C1orf185: variants seen among roughly 807,000 people sequenced by gnomAD.
C1orf185 encodes the protein uncharacterized protein C1orf185.
In C1orf185, 13 loss-of-function variants were observed where a neutral mutation model predicts 16.1. The ratio of observed to expected loss-of-function variants is 0.81; its 90% CI spans 0.53 to 1.28. The LOEUF is 1.28. C1orf185 is among the 50% of genes most tolerant of loss of function. The pLI is 0.00. For synonymous variants in C1orf185, 80 were observed against 76.9 expected (o/e 1.04, Z -0.21); for missense variants, 220 against 225.2 (o/e 0.98, Z 0.15).
intron 1 of C1orf185, among the ~76,000 whole-genome samples, chr1:51,106,444 G>A (rs1355758643): frequency 2.6e-5 from 4 of 151,492 alleles, no homozygotes; most frequent in East Asian, 1.9e-4. Flanking sequence ...AAAGGAAATC[G>A]GCCTTGGCAA....
chr1:51,150,528 T>A (rs1283542653), downstream of C1orf185, among the ~76,000 whole-genome samples: 2 of 152,136 alleles, frequency 1.3e-5, no homozygotes, highest in Non-Finnish European at 2.9e-5. Context: ...CTTAACACAT[T>A]TACTTGTTTA....
intron 4 of C1orf185, among the ~76,000 whole-genome samples, chr1:51,146,817 A>G (rs191104435): frequency 2.3e-3 from 350 of 152,276 alleles, no homozygotes; most frequent in Admixed American, 4.2e-3. Flanking sequence ...TTGTAAATTG[A>G]AAGTCTCTAC....
chr1:51,115,477 T>C (rs1047446261), intron 2 of C1orf185, among the ~76,000 whole-genome samples: 1 of 152,238 alleles, frequency 6.6e-6, no homozygotes, highest in Non-Finnish European at 1.5e-5. Context: ...GGTCATTTTG[T>C]TTTTAGCTCT....
At chr1:51,121,657 C>G (rs1202091631) in intron 3 of C1orf185, among the ~76,000 whole-genome samples, 2 of 152,054 alleles carry the variant, frequency 1.3e-5, no homozygotes, top group East Asian at 3.8e-4. Context: ...CTACTACAGG[C>G]AGACCTCTAT....
intron 1 of C1orf185, among the ~76,000 whole-genome samples, chr1:51,108,598 A>C (rs539673779): frequency 6.6e-6 from 1 of 152,162 alleles, no homozygotes. Context: ...CTCCCTTCCC[A>C]GTCTCTGGTA....
At chr1:51,120,360 G>A (rs57721818) in intron 3 of C1orf185, among the ~76,000 whole-genome samples, 37 of 152,152 alleles carry the variant, frequency 2.4e-4, no homozygotes, top group African/African-American at 8.4e-4. Context: ...ATAATGTTAG[G>A]CAAGTTACTT....
At chr1:51,144,700 G>C (rs1646387748) in intron 3 of C1orf185, among the ~76,000 whole-genome samples, 1 of 151,852 alleles carries the variant, frequency 6.6e-6, no homozygotes, top group African/African-American at 2.4e-5. Flanking sequence ...GTGACAGAAT[G>C]AGACCCTGTC....
At chr1:51,112,321 T>A (rs1646127304) in intron 1 of C1orf185, 143 bp from the exon 2 acceptor site, 1 of 601,234 alleles carries the variant, frequency 1.7e-6, no homozygotes, top group South Asian at 2.6e-5. Context: ...TAGAATTGCA[T>A]GGGACTAGAA....
chr1:51,116,396 C>G (rs1442558419), intron 2 of C1orf185, among the ~76,000 whole-genome samples: 8 of 151,472 alleles, frequency 5.3e-5, no homozygotes, highest in African/African-American at 9.7e-5. Context: ...TCGCTGCAAC[C>G]TCCGCCTCCC....
At chr1:51,146,346 C>A in intron 4 of C1orf185, among the ~76,000 whole-genome samples, 1 of 151,280 alleles carries the variant, frequency 6.6e-6, no homozygotes, top group Non-Finnish European at 1.5e-5. Flanking sequence ...GTAATCCCAG[C>A]TACTTGGGAG....
chr1:51,116,821 A>G (rs1557645065), intron 2 of C1orf185, among the ~76,000 whole-genome samples: 1 of 140,678 alleles, frequency 7.1e-6, no homozygotes, highest in Non-Finnish European at 1.5e-5. Context: ...CTCTCTGTCT[A>G]GATATACTTA....
chr1:51,116,298 G>A (rs1032099697), intron 2 of C1orf185, among the ~76,000 whole-genome samples: 1 of 149,434 alleles, frequency 6.7e-6, no homozygotes, highest in Admixed American at 6.7e-5. Context: ...GGGCAAATCT[G>A]ATCAAGTCAC....
downstream of C1orf185, among the ~76,000 whole-genome samples, chr1:51,150,482 C>A (rs932247260): frequency 7.9e-5 from 12 of 152,112 alleles, no homozygotes; most frequent in African/African-American, 2.9e-4. Flanking sequence ...CGTGAGCCAC[C>A]ACGCCTGGCC....
intron 3 of C1orf185, among the ~76,000 whole-genome samples, chr1:51,138,906 T>C (rs1334179290): frequency 6.6e-6 from 1 of 152,172 alleles, no homozygotes. Context: ...CAGGCTGATC[T>C]TGAACTCCTG....
chr1:51,143,774 C>A (rs1646381730), intron 3 of C1orf185, among the ~76,000 whole-genome samples: 1 of 152,152 alleles, frequency 6.6e-6, no homozygotes, highest in African/African-American at 2.4e-5. Context: ...GATATCCTTG[C>A]GCCTCAACCC....
chr1:51,112,547 T>C lies in C1orf185; in HGVS notation c.100T>C (p.Trp34Arg). 6.5e-7 allele frequency: 1 copy of C among 1,549,862 alleles called. No homozygotes were observed. The highest frequency in any genetic ancestry group is 8.7e-7 in the Non-Finnish European group (1 of 1,146,430). ...IGFFALASAL[W>R]FLICKRREIF... ...TTTCTTTGCTTTGGCATCAGCTTTG[T>C]GGTTCCTGATTTGCAAACGAAGGTA... The change falls in exon 2 of 5, where the codon TGG becomes CGG. Residue 34 changes from tryptophan (W) to arginine (R), a missense_variant. Transcript: ENST00000371759.
chr1:51,107,065 T>C (rs1052241083), intron 1 of C1orf185, among the ~76,000 whole-genome samples: 2 of 152,144 alleles, frequency 1.3e-5, no homozygotes, highest in Non-Finnish European at 2.9e-5. Flanking sequence ...CCCAGATCTG[T>C]AATTTTTTTA....
chr1:51,118,611 A>G, intron 2 of C1orf185, 55 bp from the exon 3 acceptor site: 1 of 1,036,676 alleles, frequency 9.6e-7, no homozygotes, highest in Non-Finnish European at 1.3e-6. Flanking sequence ...AATGATTTTA[A>G]TTGTTTTATA....
intron 3 of C1orf185, among the ~76,000 whole-genome samples, chr1:51,130,997 G>T (rs1646279172): frequency 6.6e-6 from 1 of 152,144 alleles, no homozygotes. Context: ...CCACCTCCCA[G>T]GTTCAAGCAA....
Sources: gnomAD v4.1 joint callset for allele counts (sites outside exome capture counted in the v4.1 genomes callset) on GRCh38, gnomAD v4.1.1 for gene constraint, MANE v1.5 for transcripts, NCBI Gene and HGNC (gene_info 2026-07-23, HGNC 2026-07-21) for gene names.